The following UBTD1 variants were observed in gnomAD, a reference collection of about 807,000 sequenced individuals.
The protein encoded by UBTD1 is ubiquitin domain-containing protein 1.
Under a neutral mutation model 21.7 loss-of-function variants are expected in UBTD1, and 19 were observed. The ratio of observed to expected loss-of-function variants is 0.87; its 90% CI spans 0.61 to 1.28. The LOEUF (loss-of-function observed/expected upper bound fraction) is 1.28, where lower values mean the gene tolerates loss of function less well. Ranked by LOEUF, UBTD1 falls within the 50% of genes most tolerant of loss-of-function variation. The pLI, the probability that UBTD1 is intolerant of heterozygous loss-of-function variation, is 0.00. For synonymous variants in UBTD1, 116 were observed against 135.1 expected, an observed-to-expected ratio of 0.86 and a Z score of 0.98; for missense variants, 282 against 315.1, an observed-to-expected ratio of 0.89 and a Z score of 0.80.
At chr10:97,533,830 G>A (rs146908840) in intron 1 of UBTD1, among the ~76,000 whole-genome samples, 7 of 152,074 alleles carry the variant, frequency 4.6e-5, no homozygotes, top group African/African-American at 1.4e-4. Flanking sequence ...GGTTGAGGCA[G>A]GGGAATCACT....
At chr10:97,517,191 G>A (rs1050852490) in intron 1 of UBTD1, among the ~76,000 whole-genome samples, 3 of 152,160 alleles carry the variant, frequency 2.0e-5, no homozygotes, top group Non-Finnish European at 4.4e-5. Flanking sequence ...GAACTTTGGC[G>A]ACAGTCTGGC....
chr10:97,525,616 C>T (rs1013771136), intron 1 of UBTD1, among the ~76,000 whole-genome samples: 1 of 152,178 alleles, frequency 6.6e-6, no homozygotes, highest in African/African-American at 2.4e-5. Context: ...CTTCTCCCTC[C>T]ACTGGCCTCT....
At chr10:97,523,717 C>G (rs1442591217) in intron 1 of UBTD1, among the ~76,000 whole-genome samples, 1 of 152,010 alleles carries the variant, frequency 6.6e-6, no homozygotes, top group Non-Finnish European at 1.5e-5. Context: ...GGTATTTTTC[C>G]TCTGTCTTTG....
intron 1 of UBTD1, among the ~76,000 whole-genome samples, chr10:97,521,383 CT>C (rs1466055467): frequency 1.3e-5 from 2 of 152,192 alleles, no homozygotes; most frequent in African/African-American, 2.4e-5. Flanking sequence ...TCTGTTCCCC[CT>C]GAGGGAGATC....
chr10:97,533,054 C>G (rs1266004520), intron 1 of UBTD1, among the ~76,000 whole-genome samples: 1 of 152,160 alleles, frequency 6.6e-6, no homozygotes, highest in African/African-American at 2.4e-5. Flanking sequence ...TGGCTGACTC[C>G]TGCATGGTGT....
intron 1 of UBTD1, among the ~76,000 whole-genome samples, chr10:97,521,041 T>C (rs1490419991): frequency 6.6e-6 from 1 of 152,172 alleles, no homozygotes; most frequent in Non-Finnish European, 1.5e-5. Flanking sequence ...GGAGATCTGC[T>C]GGGGAAGCCG....
At chr10:97,552,059 G>A (rs1005034621) in intron 1 of UBTD1, among the ~76,000 whole-genome samples, 4 of 151,992 alleles carry the variant, frequency 2.6e-5, no homozygotes, top group Non-Finnish European at 2.9e-5. Context: ...TTATAGGTGC[G>A]AGCCACTGTG....
At chr10:97,528,258 G>T (rs2040502044) in intron 1 of UBTD1, among the ~76,000 whole-genome samples, 1 of 129,064 alleles carries the variant, frequency 7.7e-6, no homozygotes. Flanking sequence ...GCCGGGCAGA[G>T]GCGCCCCTCA....
At chr10:97,502,324 A>C (rs1216459137) in intron 1 of UBTD1, among the ~76,000 whole-genome samples, 1 of 152,190 alleles carries the variant, frequency 6.6e-6, no homozygotes, top group Non-Finnish European at 1.5e-5. Context: ...AATCCTTCTT[A>C]ACTCCACAGT....
intron 1 of UBTD1, among the ~76,000 whole-genome samples, chr10:97,524,111 C>T (rs760335335): frequency 5.1e-4 from 78 of 152,208 alleles, no homozygotes; most frequent in Non-Finnish European, 9.4e-4. Context: ...TGCCCCTGCT[C>T]CTTATGGGTT....
intron 1 of UBTD1, among the ~76,000 whole-genome samples, chr10:97,521,805 G>A (rs12415482): frequency 0.19 from 28,303 of 152,208 alleles, 3,065 homozygotes; most frequent in East Asian, 0.48. Flanking sequence ...CCAGGCTCTG[G>A]CATGGAGGCT....
At chr10:97,564,906 C>T (rs574533710) in intron 1 of UBTD1, among the ~76,000 whole-genome samples, 2 of 152,262 alleles carry the variant, frequency 1.3e-5, no homozygotes, top group South Asian at 2.1e-4. Flanking sequence ...TCTGTTGATT[C>T]GAGGACTTAA....
At chr10:97,549,910 C>T (rs1220078674) in intron 1 of UBTD1, among the ~76,000 whole-genome samples, 2 of 152,214 alleles carry the variant, frequency 1.3e-5, no homozygotes, top group Admixed American at 6.5e-5. Context: ...GGGCACCACA[C>T]CCCCTGGCTC....
chr10:97,529,995 C>CTTGGAGCAAA (rs2040520472), intron 1 of UBTD1, among the ~76,000 whole-genome samples: 1 of 152,148 alleles, frequency 6.6e-6, no homozygotes, highest in South Asian at 2.1e-4. Context: ...AACTTTAAGA[C>CTTGGAGCAAA]CTTCCGCAGA....
chr10:97,527,742 A>T (rs2040496330), intron 1 of UBTD1, among the ~76,000 whole-genome samples: 1 of 152,078 alleles, frequency 6.6e-6, no homozygotes, highest in Non-Finnish European at 1.5e-5. Context: ...GACACAGCAC[A>T]TGTTTCAGAG....
At position 97,547,336 on chromosome 10, in the gene UBTD1, CAGG is replaced by C. The variant is rs547955628; in HGVS notation, c.71-20575_71-20573del. On this transcript the variant is annotated intron_variant, in intron 1 of 2. Transcript: ENST00000370664. ...GGTAGCAAAGGGAGCCAGCCAGATA[CAGG>C]AGACCTTTCTAGCAACCTCTGGGGA... 8.8e-3 allele frequency among the ~76,000 whole-genome samples: 1,338 copies of C among 152,302 alleles called. 12 individuals are homozygous for C. The highest frequency in any genetic ancestry group is 0.016 in the Non-Finnish European group (1,080 of 68,022).
At chr10:97,528,474 C>G (rs1387612452) in intron 1 of UBTD1, among the ~76,000 whole-genome samples, 6 of 60,940 alleles carry the variant, frequency 9.8e-5, no homozygotes, top group South Asian at 7.3e-4. Flanking sequence ...TAGGGGCGGC[C>G]GGGCAGAGGT....
At chr10:97,526,158 C>A (rs900229911) in intron 1 of UBTD1, among the ~76,000 whole-genome samples, 1 of 152,166 alleles carries the variant, frequency 6.6e-6, no homozygotes, top group Non-Finnish European at 1.5e-5. Context: ...GCAGAGGATT[C>A]GATCTCTGGC....
At chr10:97,517,737 C>G (rs1055960896) in intron 1 of UBTD1, among the ~76,000 whole-genome samples, 1 of 152,138 alleles carries the variant, frequency 6.6e-6, no homozygotes, top group Admixed American at 6.5e-5. Flanking sequence ...TGCTGCCAAC[C>G]GTGTTCCCGG....
Sources: allele counts gnomAD v4.1 joint callset (sites outside exome capture counted in the v4.1 genomes callset), GRCh38; gene constraint gnomAD v4.1.1; transcripts MANE v1.5; gene names NCBI Gene and HGNC (gene_info 2026-07-23, HGNC 2026-07-21).